Variants in CEP85L observed in about 807,000 individuals in gnomAD.
CEP85L encodes centrosomal protein of 85 kDa-like.
In CEP85L, 60 loss-of-function variants were observed where a neutral mutation model predicts 100.3. That is an observed-to-expected ratio of 0.60 (90% CI 0.49 to 0.74). The LOEUF is 0.74. CEP85L is among the 30% of genes least tolerant of loss of function. The pLI is 0.00. For synonymous variants in CEP85L, 319 were observed against 322.7 expected, an observed-to-expected ratio of 0.99 and a Z score of 0.12; for missense variants, 973 against 936.2, an observed-to-expected ratio of 1.04 and a Z score of -0.51.
At chr6:118,495,989 G>A (rs1774893696) in intron 5 of CEP85L, among the ~76,000 whole-genome samples, 1 of 152,210 alleles carries the variant, frequency 6.6e-6, no homozygotes, top group Non-Finnish European at 1.5e-5. Flanking sequence ...CACCACAGCT[G>A]CAGAATTATT....
intron 1 of CEP85L, among the ~76,000 whole-genome samples, chr6:118,709,034 T>A (rs936394741): frequency 2.0e-5 from 3 of 151,196 alleles, no homozygotes; most frequent in African/African-American, 7.3e-5. Flanking sequence ...TAATATAGAA[T>A]AGCCCCGATT....
At position 118,474,658 on chromosome 6, in the gene CEP85L, T is replaced by G. The variant is rs1040238101; in HGVS notation, c.1915-4014A>C. 3.4e-4 allele frequency among the ~76,000 whole-genome samples: 52 copies of G among 152,240 alleles called. 1 individual carries two copies. The highest frequency in any genetic ancestry group is 1.2e-3 in the African/African-American group (51 of 41,540). ...TCAGCTACTAGAGTGGGGGTACCAT[T>G]CAGAAATTTGTCATTGTCCCCACAC... On this transcript the variant is annotated intron_variant, in intron 10 of 12. Coordinates refer to ENST00000368491, the MANE Select transcript of CEP85L (RefSeq NM_001042475.3).
chr6:118,642,692 T>C (rs1018670937), intron 1 of CEP85L, among the ~76,000 whole-genome samples: 3 of 152,128 alleles, frequency 2.0e-5, no homozygotes, highest in Non-Finnish European at 4.4e-5. Flanking sequence ...GCAGGGTGGA[T>C]CACCTAAGGT....
rs1025439332 is a variant in CEP85L, at chr6:118,698,075, C to A, written c.-28+11961G>T. Reference sequence around the variant, plus strand: ...TGCAGCCTGGACCAGCTGGAGCATTCCTCTGGGCCCTACTCAAAGCTGTTA... The same window carrying A: ...TGCAGCCTGGACCAGCTGGAGCATTACTCTGGGCCCTACTCAAAGCTGTTA... On this transcript the variant is annotated intron_variant, in intron 1 of 13. Coordinates refer to the CEP85L transcript ENST00000368488. 1.8e-4 allele frequency among the ~76,000 whole-genome samples: 27 copies of A among 152,150 alleles called. 2 individuals are homozygous for A. The highest frequency in any genetic ancestry group is 6.3e-4 in the African/African-American group (26 of 41,444).
At chr6:118,634,252 GT>G (rs35597566) in intron 1 of CEP85L, among the ~76,000 whole-genome samples, 1 of 151,900 alleles carries the variant, frequency 6.6e-6, no homozygotes, top group East Asian at 1.9e-4. Context: ...AATTATACCA[GT>G]TTTTTTAACC....
chr6:118,564,329 C>T (rs1159616285), intron 3 of CEP85L, among the ~76,000 whole-genome samples: 1 of 152,212 alleles, frequency 6.6e-6, no homozygotes, highest in Non-Finnish European at 1.5e-5. Context: ...GGAGAAACAA[C>T]TGCCTGGATC....
intron 4 of CEP85L, among the ~76,000 whole-genome samples, chr6:118,523,045 T>C (rs1776755876): frequency 1.3e-5 from 2 of 152,178 alleles, no homozygotes; most frequent in African/African-American, 4.8e-5. Context: ...ATTTTAAGGC[T>C]AAAACACCTA....
intron 6 of CEP85L, among the ~76,000 whole-genome samples, chr6:118,487,318 T>C (rs1006139777): frequency 4.6e-5 from 7 of 152,144 alleles, no homozygotes; most frequent in Non-Finnish European, 8.8e-5. Flanking sequence ...GATATATAAT[T>C]AGGCAATGTG....
intron 3 of CEP85L, among the ~76,000 whole-genome samples, chr6:118,549,807 T>C (rs1438913490): frequency 6.6e-6 from 1 of 151,868 alleles, no homozygotes; most frequent in Non-Finnish European, 1.5e-5. Flanking sequence ...TTTTGCTATA[T>C]CACATATTAC....
chr6:118,543,178 A>ATT (rs142856394), intron 3 of CEP85L, among the ~76,000 whole-genome samples: 107,506 of 151,764 alleles, frequency 0.71, 38,798 homozygotes, highest in African/African-American at 0.75. Context: ...ATTTGTTGAA[A>ATT]TTGTTTTTTG....
At position 118,618,084 on chromosome 6, in the gene CEP85L, G is replaced by A. The variant is rs573538646; in HGVS notation, c.232+14369C>T. ...GTCTTTCACTTTCTGTAGTGGTCCC[G>A]AAGTACACCCGGGAGTGCTCAGCAA... is the stretch of plus-strand genomic sequence containing the variant. On this transcript the variant is annotated intron_variant, in intron 2 of 12. Transcript: ENST00000368491. Among the ~76,000 whole-genome samples, 20 of 152,140 alleles carry A rather than the reference G, an allele frequency of 1.3e-4. 1 individual carries two copies. The East Asian group carries it at 3.3e-3, about 25-fold the overall frequency.
At chr6:118,574,661 G>A (rs750158085) in intron 2 of CEP85L, among the ~76,000 whole-genome samples, 11 of 152,170 alleles carry the variant, frequency 7.2e-5, no homozygotes, top group Non-Finnish European at 1.3e-4. Context: ...CGGCAACACA[G>A]GAAGAAAAAG....
chr6:118,541,606 A>G (rs1259491295), intron 3 of CEP85L, among the ~76,000 whole-genome samples: 1 of 152,230 alleles, frequency 6.6e-6, no homozygotes, highest in African/African-American at 2.4e-5. Flanking sequence ...ACTGAAGCAT[A>G]GAAGCCATTA....
At chr6:118,697,785 C>A (rs1238488880) in intron 1 of CEP85L, among the ~76,000 whole-genome samples, 1 of 152,152 alleles carries the variant, frequency 6.6e-6, no homozygotes, top group Admixed American at 6.5e-5. Flanking sequence ...ATATGTCTGA[C>A]TTTATAGCTG....
chr6:118,658,967 T>G (rs1291692037), intron 1 of CEP85L, among the ~76,000 whole-genome samples: 1 of 152,146 alleles, frequency 6.6e-6, no homozygotes, highest in Admixed American at 6.5e-5. Flanking sequence ...GTAGTGTTAT[T>G]TTGGGGGAAT....
At chr6:118,560,836 G>A (rs890678760) in intron 3 of CEP85L, 2 of 152,866 alleles carry the variant, frequency 1.3e-5, no homozygotes, top group Admixed American at 1.3e-4. Context: ...GGTAATTTAA[G>A]TTGACTAAAG....
At chr6:118,514,814 T>C (rs554115557) in intron 4 of CEP85L, among the ~76,000 whole-genome samples, 25 of 151,998 alleles carry the variant, frequency 1.6e-4, no homozygotes, top group African/African-American at 4.3e-4. Flanking sequence ...TTTTTTTTTT[T>C]CTATTTTAGA....
At chr6:118,623,062 T>A (rs1041696828) in intron 2 of CEP85L, among the ~76,000 whole-genome samples, 1 of 152,152 alleles carries the variant, frequency 6.6e-6, no homozygotes, top group South Asian at 2.1e-4. Flanking sequence ...AGCCAGCCAG[T>A]GGAAAATACT....
chr6:118,510,266 A>C (rs1016750043), intron 5 of CEP85L, among the ~76,000 whole-genome samples: 7 of 152,080 alleles, frequency 4.6e-5, no homozygotes, highest in African/African-American at 1.4e-4. Context: ...ACATAGAGGA[A>C]AAGGAAATAA....
Sources: gnomAD v4.1 joint callset for allele counts (sites outside exome capture counted in the v4.1 genomes callset) on GRCh38, gnomAD v4.1.1 for gene constraint, MANE v1.5 for transcripts, NCBI Gene and HGNC (gene_info 2026-07-23, HGNC 2026-07-21) for gene names.